SLCO1A2: variants seen among roughly 807,000 people sequenced by gnomAD.
The protein encoded by SLCO1A2 is solute carrier organic anion transporter family member 1A2.
Under a neutral mutation model 69.0 loss-of-function variants are expected in SLCO1A2, and 67 were observed. That is an observed-to-expected ratio of 0.97 (90% CI 0.80 to 1.19). The LOEUF is 1.19. Ranked by LOEUF, SLCO1A2 falls within the 50% of genes most tolerant of loss-of-function variation. The pLI, the probability that SLCO1A2 is intolerant of heterozygous loss-of-function variation, is 0.00. For synonymous variants in SLCO1A2, 260 were observed against 265.9 expected, an observed-to-expected ratio of 0.98 and a Z score of 0.22; for missense variants, 787 against 793.7, an observed-to-expected ratio of 0.99 and a Z score of 0.10.
intron 1 of SLCO1A2, chr12:21,378,406 C>G: frequency 6.2e-7 from 1 of 1,613,810 alleles, no homozygotes; most frequent in Non-Finnish European, 8.5e-7. Context: ...GAGAGAGCCA[C>G]TGAATTACTT....
At chr12:21,384,615 A>C (rs1394568885) in intron 1 of SLCO1A2, among the ~76,000 whole-genome samples, 1 of 152,196 alleles carries the variant, frequency 6.6e-6, no homozygotes, top group African/African-American at 2.4e-5. Flanking sequence ...AGAAAATCTA[A>C]AATACTAAAA....
intron 2 of SLCO1A2, among the ~76,000 whole-genome samples, chr12:21,345,761 C>T (rs867347924): frequency 1.1e-4 from 16 of 152,048 alleles, no homozygotes; most frequent in South Asian, 2.1e-4. Flanking sequence ...CACCAAGTGA[C>T]AAACTTGCCA....
intron 12 of SLCO1A2, among the ~76,000 whole-genome samples, chr12:21,282,440 C>T (rs1189021538): frequency 6.6e-6 from 1 of 151,536 alleles, no homozygotes; most frequent in South Asian, 2.1e-4. Flanking sequence ...GAACATGGCT[C>T]AACATAATAA....
intron 12 of SLCO1A2, among the ~76,000 whole-genome samples, chr12:21,283,982 T>C (rs1591788840): frequency 6.6e-6 from 1 of 152,130 alleles, no homozygotes; most frequent in East Asian, 1.9e-4. Flanking sequence ...TAAGTACAAC[T>C]ACTATGCAGA....
intron 4 of SLCO1A2, among the ~76,000 whole-genome samples, chr12:21,308,766 C>G (rs796158956): frequency 2.6e-5 from 4 of 152,308 alleles, no homozygotes; most frequent in African/African-American, 9.6e-5. Context: ...GCGAAACAGC[C>G]AGTCCCTGCG....
intron 2 of SLCO1A2, among the ~76,000 whole-genome samples, chr12:21,328,566 T>C (rs1273505794): frequency 6.6e-6 from 1 of 152,010 alleles, no homozygotes; most frequent in Non-Finnish European, 1.5e-5. Flanking sequence ...GTAGAGGTGG[T>C]GGGATTGCCT....
At position 21,300,561 on chromosome 12, in the gene SLCO1A2, T is replaced by C; in HGVS notation, c.697A>G (p.Ile233Val). ...DTGFVNTDDL[I>V]ITPTDTRWVG... is the part of the protein sequence containing the mutation. Reference sequence around the variant, plus strand: ...CAACGAGTGTCAGTGGGAGTTATGATCAGATCATCTGTAAAAAAATACACA... The same window carrying C: ...CAACGAGTGTCAGTGGGAGTTATGACCAGATCATCTGTAAAAAAATACACA... Residue 233 changes from isoleucine to valine, a missense_variant, in exon 8 of 15, where the codon ATC becomes GTC. Ile to Val is a conservative substitution (Grantham distance 29). Coordinates refer to ENST00000683939, the MANE Select transcript of SLCO1A2 (RefSeq NM_001386879.1). The C allele has an allele frequency of 6.2e-7, 1 of 1,607,604 alleles. No individual in the cohort carries two copies. Among genetic ancestry groups the C allele is most frequent in the Non-Finnish European group, 8.5e-7 (1 of 1,176,664 alleles).
chr12:21,319,950 G>T (rs1456613253), intron 2 of SLCO1A2, among the ~76,000 whole-genome samples: 2 of 152,094 alleles, frequency 1.3e-5, no homozygotes, highest in Non-Finnish European at 2.9e-5. Context: ...ACTGTATACT[G>T]GTAATAGTAT....
intron 1 of SLCO1A2, among the ~76,000 whole-genome samples, chr12:21,382,217 TAAC>T (rs1289930617): frequency 6.6e-6 from 1 of 152,164 alleles, no homozygotes; most frequent in Non-Finnish European, 1.5e-5. Context: ...CTAAGCGAAG[TAAC>T]AACAAGAGTG....
At chr12:21,273,943 A>G (rs1591771677) in intron 14 of SLCO1A2, 1 of 152,270 alleles carries the variant, frequency 6.6e-6, no homozygotes, top group African/African-American at 2.4e-5. Flanking sequence ...ACATGAAAAT[A>G]GAAATAACAA....
intron 2 of SLCO1A2, among the ~76,000 whole-genome samples, chr12:21,348,208 T>A (rs1052663108): frequency 2.0e-5 from 3 of 152,182 alleles, no homozygotes; most frequent in Admixed American, 2.0e-4. Flanking sequence ...GAATGGGGTA[T>A]CCATCCCCTC....
At chr12:21,373,756 C>T in intron 2 of SLCO1A2, 1 of 692,128 alleles carries the variant, frequency 1.4e-6, no homozygotes, top group Non-Finnish European at 2.6e-6. Context: ...TCTATATTAA[C>T]CTGATACTGA....
chr12:21,350,351 T>C (rs1937837324), intron 2 of SLCO1A2, among the ~76,000 whole-genome samples: 1 of 151,940 alleles, frequency 6.6e-6, no homozygotes. Flanking sequence ...GAGAAAAAAT[T>C]AAATGTCCAA....
intron 2 of SLCO1A2, among the ~76,000 whole-genome samples, chr12:21,363,630 CA>C (rs1939121442): frequency 6.6e-6 from 1 of 151,992 alleles, no homozygotes. Context: ...AAAAGATGAA[CA>C]AAATTGATAG....
intron 6 of SLCO1A2, among the ~76,000 whole-genome samples, chr12:21,302,752 T>C (rs960196568): frequency 2.3e-4 from 35 of 152,048 alleles, no homozygotes; most frequent in African/African-American, 8.0e-4. Flanking sequence ...AGATGGGGTT[T>C]TATCATATTG....
intron 2 of SLCO1A2, among the ~76,000 whole-genome samples, chr12:21,371,233 G>A (rs866398329): frequency 1.3e-5 from 2 of 152,132 alleles, no homozygotes; most frequent in Non-Finnish European, 2.9e-5. Flanking sequence ...ACACTAGGGG[G>A]CGTGTCTTAT....
At chr12:21,316,595 A>G (rs565331466) in intron 3 of SLCO1A2, among the ~76,000 whole-genome samples, 12 of 150,024 alleles carry the variant, frequency 8.0e-5, no homozygotes, top group African/African-American at 2.9e-4. Context: ...TTTTCATAAT[A>G]CCATTTTCTC....
chr12:21,310,628 G>A (rs1950002588), intron 4 of SLCO1A2, among the ~76,000 whole-genome samples: 1 of 152,228 alleles, frequency 6.6e-6, no homozygotes, highest in Admixed American at 6.5e-5. Flanking sequence ...TTGAGACGGA[G>A]TCTCGCTATG....
chr12:21,339,136 T>C (rs1420997051), upstream of SLCO1A2, among the ~76,000 whole-genome samples: 2 of 152,054 alleles, frequency 1.3e-5, no homozygotes, highest in Non-Finnish European at 2.9e-5. Flanking sequence ...TCAATGACAG[T>C]GATTACTACT....
Sources: gnomAD v4.1 joint callset for allele counts (sites outside exome capture counted in the v4.1 genomes callset) on GRCh38, gnomAD v4.1.1 for gene constraint, MANE v1.5 for transcripts, NCBI Gene and HGNC (gene_info 2026-07-23, HGNC 2026-07-21) for gene names.